Variants in PTPRS observed in about 807,000 individuals in gnomAD.
The protein encoded by PTPRS is receptor-type tyrosine-protein phosphatase S.
A neutral mutation model predicts 215.3 loss-of-function variants in PTPRS; 63 were observed. The observed-to-expected ratio is 0.29, with a 90% CI of 0.24 to 0.36. The LOEUF is 0.36. Among genes scored for constraint, PTPRS ranks in the 10% least tolerant of loss-of-function variants. The pLI is 1.00. For synonymous variants in PTPRS, 1,404 were observed against 1,191.4 expected, an observed-to-expected ratio of 1.18 and a Z score of -3.68; for missense variants, 2,258 against 2,825.8, an observed-to-expected ratio of 0.80 and a Z score of 4.56.
intron 11 of PTPRS, among the ~76,000 whole-genome samples, chr19:5,240,772 G>C (rs986155787): frequency 1.3e-5 from 2 of 151,384 alleles, no homozygotes; most frequent in African/African-American, 4.9e-5. Context: ...CCGGGAGGCG[G>C]AGCTTGCAGT....
At position 5,273,453 on chromosome 19, in the gene PTPRS, G is replaced by A. The variant is rs1658355426; in HGVS notation, c.368C>T (p.Thr123Ile). 1 of 1,614,202 alleles carries A rather than the reference G, an allele frequency of 6.2e-7. No homozygotes were observed. Among genetic ancestry groups the A allele is most frequent in the Non-Finnish European group, 8.5e-7 (1 of 1,180,040 alleles). The change falls in exon 4 of 38, where the codon ACT (threonine) becomes ATT (isoleucine). Residue 123 changes from threonine to isoleucine, a missense_variant. Thr to Ile is a moderately conservative substitution (Grantham distance 89). Around this residue, in one of 6 missense-constraint regions of PTPRS, gnomAD observed 508 missense variants for 799.4 expected, o/e 0.64. Coordinates refer to ENST00000262963, the MANE Select transcript of PTPRS (RefSeq NM_002850.4). ...GAGGAGCCCAATACCTCGGAGGACA[G>A]TAAGCTTGGCATGGACTGTGATCTC... is the stretch of plus-strand genomic sequence containing the variant. ...VGEITVHAKL[T>I]VLREDQLPSG...
chr19:5,336,011 G>T (rs1357199244), intron 1 of PTPRS, among the ~76,000 whole-genome samples: 2 of 148,880 alleles, frequency 1.3e-5, no homozygotes, highest in African/African-American at 5.0e-5. Flanking sequence ...GGAGGAGGAG[G>T]AGGAGGAAAA....
At chr19:5,316,974 C>A (rs1160280358) in intron 1 of PTPRS, among the ~76,000 whole-genome samples, 1 of 152,184 alleles carries the variant, frequency 6.6e-6, no homozygotes, top group African/African-American at 2.4e-5. Context: ...CACGCTGAGA[C>A]GTCTGTTCTG....
intron 1 of PTPRS, among the ~76,000 whole-genome samples, chr19:5,327,857 T>C (rs2050211647): frequency 6.6e-6 from 1 of 152,144 alleles, no homozygotes; most frequent in African/African-American, 2.4e-5. Flanking sequence ...CATCTCAGCC[T>C]CCCAAAGTAT....
chr19:5,260,670 C>T, intron 7 of PTPRS, 135 bp downstream of exon 7: 1 of 1,200,452 alleles, frequency 8.3e-7, no homozygotes, highest in Non-Finnish European at 1.2e-6. Flanking sequence ...ACCGGACTAA[C>T]ACTGGGTGGA....
intron 1 of PTPRS, among the ~76,000 whole-genome samples, chr19:5,309,177 TG>T (rs144028181): frequency 0.027 from 4,164 of 152,094 alleles, 165 homozygotes; most frequent in East Asian, 0.15. Context: ...CTGGCTCTGG[TG>T]GTGAGCAGAG....
chr19:5,240,958 C>T (rs1196392737), intron 11 of PTPRS, among the ~76,000 whole-genome samples: 6 of 138,256 alleles, frequency 4.3e-5, no homozygotes, highest in East Asian at 4.6e-4. Context: ...GGCACGATCT[C>T]GGCTCACTGC....
chr19:5,232,027 C>T (rs957665093), intron 13 of PTPRS, among the ~76,000 whole-genome samples: 3 of 152,176 alleles, frequency 2.0e-5, no homozygotes, highest in Admixed American at 1.3e-4. Context: ...ATTTATTAGG[C>T]ACCTACTATG....
At chr19:5,309,693 C>T (rs1018352892) in intron 1 of PTPRS, among the ~76,000 whole-genome samples, 1 of 152,140 alleles carries the variant, frequency 6.6e-6, no homozygotes, top group Non-Finnish European at 1.5e-5. Flanking sequence ...GCCTGGGAGT[C>T]GTTCTTGACT....
At chr19:5,327,936 T>C (rs1326129380) in intron 1 of PTPRS, among the ~76,000 whole-genome samples, 1 of 152,056 alleles carries the variant, frequency 6.6e-6, no homozygotes, top group African/African-American at 2.4e-5. Context: ...GCCCAACCAC[T>C]GTACACTTTC....
intron 1 of PTPRS, among the ~76,000 whole-genome samples, chr19:5,307,183 C>T (rs563644256): frequency 5.3e-5 from 8 of 152,328 alleles, no homozygotes; most frequent in Non-Finnish European, 1.2e-4. Flanking sequence ...TGGCCGGCAC[C>T]TGTAATCCCA....
At chr19:5,224,832 G>A (rs2042330483) in intron 17 of PTPRS, among the ~76,000 whole-genome samples, 2 of 152,134 alleles carry the variant, frequency 1.3e-5, no homozygotes, top group South Asian at 4.1e-4. Context: ...GGAATAGTGT[G>A]GACAAGGGCA....
chr19:5,269,788 G>A (rs2046746732), intron 4 of PTPRS, among the ~76,000 whole-genome samples: 1 of 152,158 alleles, frequency 6.6e-6, no homozygotes, highest in South Asian at 2.1e-4. Context: ...GGGCGTGCTA[G>A]TGGGCGCCTA....
intron 1 of PTPRS, among the ~76,000 whole-genome samples, chr19:5,326,718 AAAAG>A (rs1002374268): frequency 6.6e-6 from 1 of 151,378 alleles, no homozygotes; most frequent in African/African-American, 2.4e-5. Flanking sequence ...AGAAACGAAG[AAAAG>A]AAAGGAAGAG....
intron 36 of PTPRS, 78 bp from the exon 37 acceptor site, chr19:5,208,135 G>A: frequency 3.8e-6 from 6 of 1,575,464 alleles, no homozygotes; most frequent in Non-Finnish European, 5.2e-6. Flanking sequence ...ATTCCCCGAG[G>A]ACTCTAACAG....
At chr19:5,247,398 A>C (rs2044598351) in intron 9 of PTPRS, among the ~76,000 whole-genome samples, 1 of 151,914 alleles carries the variant, frequency 6.6e-6, no homozygotes, top group Non-Finnish European at 1.5e-5. Flanking sequence ...GAAGGGGAGG[A>C]GGCCAGTGGG....
intron 9 of PTPRS, among the ~76,000 whole-genome samples, chr19:5,249,278 T>G (rs1233901506): frequency 6.6e-6 from 1 of 152,192 alleles, no homozygotes; most frequent in Non-Finnish European, 1.5e-5. Flanking sequence ...GCCACCGCAC[T>G]CCAGCCTGGG....
chr19:5,330,280 T>A (rs2050282832), intron 1 of PTPRS, among the ~76,000 whole-genome samples: 1 of 152,050 alleles, frequency 6.6e-6, no homozygotes, highest in African/African-American at 2.4e-5. Flanking sequence ...GGCTTGTCAT[T>A]CCCAGTTCTC....
chr19:5,321,854 G>C (rs17676301), intron 1 of PTPRS, among the ~76,000 whole-genome samples: 20,841 of 151,842 alleles, frequency 0.14, 1,628 homozygotes, highest in Admixed American at 0.24. Context: ...CCGAGGCTTG[G>C]AGAAATAGAA....
Sources: gnomAD v4.1 joint callset for allele counts (sites outside exome capture counted in the v4.1 genomes callset) on GRCh38, gnomAD v4.1.1 for gene constraint, gnomAD v4.1.1 regional missense constraint, MANE v1.5 for transcripts, NCBI Gene and HGNC (gene_info 2026-07-23, HGNC 2026-07-21) for gene names.